THSD7B: variants seen among roughly 807,000 people sequenced by gnomAD.
THSD7B encodes thrombospondin type 1 domain containing 7B, also known as thrombospondin type-1 domain-containing protein 7B.
Under a neutral mutation model 213.6 loss-of-function variants are expected in THSD7B, and 138 were observed. The ratio of observed to expected loss-of-function variants is 0.65; its 90% CI spans 0.56 to 0.74. The LOEUF is 0.74. THSD7B is among the 30% of genes least tolerant of loss of function. THSD7B has a pLI of 0.00. For missense variants in THSD7B, 1,931 were observed against 1,991.5 expected (o/e 0.97, Z 0.58); for synonymous variants, 742 against 687.0 (o/e 1.08, Z -1.25).
chr2:137,199,870 G>C (rs992284522), intron 7 of THSD7B, among the ~76,000 whole-genome samples: 10 of 152,138 alleles, frequency 6.6e-5, no homozygotes, highest in Non-Finnish European at 1.2e-4. Context: ...TGAAGATAGT[G>C]TAAAATAGTT....
chr2:137,104,796 T>TA (rs1168075907), intron 4 of THSD7B, among the ~76,000 whole-genome samples: 1 of 151,900 alleles, frequency 6.6e-6, no homozygotes, highest in Non-Finnish European at 1.5e-5. Flanking sequence ...GCAAATAAAC[T>TA]AAAAAATCTA....
At chr2:136,873,633 A>G (rs1046867947) in intron 1 of THSD7B, among the ~76,000 whole-genome samples, 6 of 152,214 alleles carry the variant, frequency 3.9e-5, no homozygotes, top group African/African-American at 1.4e-4. Flanking sequence ...GCTGCAGGGC[A>G]GGATTGCATT....
At chr2:137,224,058 T>C (rs1681441069) in intron 7 of THSD7B, among the ~76,000 whole-genome samples, 1 of 152,144 alleles carries the variant, frequency 6.6e-6, no homozygotes, top group South Asian at 2.1e-4. Flanking sequence ...CCCAGGTAGT[T>C]CTTTATAACA....
At chr2:136,873,366 T>G (rs947628704) in intron 1 of THSD7B, among the ~76,000 whole-genome samples, 2 of 152,202 alleles carry the variant, frequency 1.3e-5, no homozygotes, top group African/African-American at 4.8e-5. Flanking sequence ...CAGAGTGTCA[T>G]GCTGAGGTCT....
At chr2:137,643,164 G>T (rs1192268710) in intron 21 of THSD7B, among the ~76,000 whole-genome samples, 1 of 152,118 alleles carries the variant, frequency 6.6e-6, no homozygotes, top group African/African-American at 2.4e-5. Flanking sequence ...ACAGATAAAT[G>T]CCTAACAACA....
rs574062316 is a variant in THSD7B at position 137,389,628 on chromosome 2, C to T, written c.2501-15985C>T. Among the ~76,000 whole-genome samples, 28 of 151,276 alleles carry T rather than the reference C, an allele frequency of 1.9e-4. No individual in the cohort carries two copies. In the East Asian group the frequency reaches 5.4e-3, roughly 29 times the overall value. The stretch of plus-strand genomic sequence containing the variant: ...CTTGTTCATGTTTTTGAGGTCTTAC[C>T]TATAAAATCTTTGCCTAGACCAATG... On this transcript the variant is annotated intron_variant, in intron 12 of 27. Coordinates refer to ENST00000409968, the MANE Select transcript of THSD7B (RefSeq NM_001316349.2).
chr2:136,878,936 C>G (rs1356597637), intron 1 of THSD7B, among the ~76,000 whole-genome samples: 1 of 152,176 alleles, frequency 6.6e-6, no homozygotes, highest in Non-Finnish European at 1.5e-5. Flanking sequence ...TCCCATTTGT[C>G]AATTTTGGCT....
chr2:137,055,318 C>T (rs1032008853), intron 2 of THSD7B, among the ~76,000 whole-genome samples: 4 of 152,094 alleles, frequency 2.6e-5, no homozygotes, highest in Admixed American at 2.6e-4. Context: ...AATGAGATTG[C>T]TGGGTTGAAT....
chr2:137,313,875 T>G (rs974861724), intron 12 of THSD7B, among the ~76,000 whole-genome samples: 1 of 152,240 alleles, frequency 6.6e-6, no homozygotes, highest in Admixed American at 6.5e-5. Context: ...CCGAGAGATC[T>G]GCTGTTAGTC....
At chr2:137,482,429 C>G (rs577707173) in intron 15 of THSD7B, among the ~76,000 whole-genome samples, 10 of 152,252 alleles carry the variant, frequency 6.6e-5, no homozygotes, top group East Asian at 5.8e-4. Context: ...TTCTAATATA[C>G]TTATGTGCCC....
intron 12 of THSD7B, among the ~76,000 whole-genome samples, chr2:137,364,591 A>G (rs558355081): frequency 6.6e-6 from 1 of 151,926 alleles, no homozygotes; most frequent in South Asian, 2.1e-4. Flanking sequence ...GCATTCCTAT[A>G]CAGCAATGAC....
chr2:136,897,027 T>C (rs562848), intron 2 of THSD7B, among the ~76,000 whole-genome samples: 66,228 of 151,486 alleles, frequency 0.44, 15,906 homozygotes, highest in Non-Finnish European at 0.55. Flanking sequence ...TTCACTGCAG[T>C]CTCAATCTCC....
intron 1 of THSD7B, among the ~76,000 whole-genome samples, chr2:136,779,864 T>C (rs1309373380): frequency 6.6e-6 from 1 of 152,160 alleles, no homozygotes; most frequent in Non-Finnish European, 1.5e-5. Flanking sequence ...GTTAGTCCTA[T>C]GGAGGAGTTG....
At chr2:136,887,426 C>T in intron 2 of THSD7B, among the ~76,000 whole-genome samples, 1 of 151,764 alleles carries the variant, frequency 6.6e-6, no homozygotes, top group East Asian at 1.9e-4. Flanking sequence ...CAATGTAATC[C>T]CCAATGATGG....
At chr2:136,914,431 T>C (rs140705638) in intron 2 of THSD7B, among the ~76,000 whole-genome samples, 21 of 152,292 alleles carry the variant, frequency 1.4e-4, no homozygotes, top group African/African-American at 4.8e-4. Flanking sequence ...TTTTAAAATG[T>C]GAGGACATGA....
intron 15 of THSD7B, among the ~76,000 whole-genome samples, chr2:137,531,426 G>A (rs1680394945): frequency 6.6e-6 from 1 of 152,028 alleles, no homozygotes; most frequent in South Asian, 2.1e-4. Flanking sequence ...CTCAGGGTGA[G>A]AACTGTTAGT....
chr2:137,012,155 A>G (rs1573766199), intron 2 of THSD7B, among the ~76,000 whole-genome samples: 1 of 152,338 alleles, frequency 6.6e-6, no homozygotes, highest in Non-Finnish European at 1.5e-5. Flanking sequence ...TTTTATAAAC[A>G]TCTTCTATAA....
intron 2 of THSD7B, among the ~76,000 whole-genome samples, chr2:136,949,839 T>C (rs1685004211): frequency 6.6e-6 from 1 of 152,198 alleles, no homozygotes; most frequent in Non-Finnish European, 1.5e-5. Context: ...CTACTGGATA[T>C]ATACCTAAAG....
At chr2:137,264,951 A>T (rs544062984) in intron 10 of THSD7B, among the ~76,000 whole-genome samples, 3 of 152,110 alleles carry the variant, frequency 2.0e-5, no homozygotes, top group African/African-American at 7.2e-5. Flanking sequence ...AGCATTAGGT[A>T]TATCTCCCAA....
Sources: allele counts gnomAD v4.1 joint callset (sites outside exome capture counted in the v4.1 genomes callset), GRCh38; gene constraint gnomAD v4.1.1; transcripts MANE v1.5; gene names NCBI Gene and HGNC (gene_info 2026-07-23, HGNC 2026-07-21).